The following RUVBL1 variants were observed in gnomAD, a reference collection of about 807,000 sequenced individuals.
RUVBL1 encodes RuvB like AAA ATPase 1.
A neutral mutation model predicts 52.4 loss-of-function variants in RUVBL1; 4 were observed. The observed-to-expected ratio is 0.08, with a 90% CI of 0.04 to 0.17. The LOEUF (loss-of-function observed/expected upper bound fraction) is 0.17. Among genes scored for constraint, RUVBL1 ranks in the 10% least tolerant of loss-of-function variants. RUVBL1 has a pLI of 1.00. For synonymous variants in RUVBL1, 217 were observed against 214.4 expected, an observed-to-expected ratio of 1.01 and a Z score of -0.10; for missense variants, 298 against 572.8, an observed-to-expected ratio of 0.52 and a Z score of 4.90.
At chr3:128,148,214 C>A (rs1054396686) in intron 1 of RUVBL1, among the ~76,000 whole-genome samples, 1 of 151,974 alleles carries the variant, frequency 6.6e-6, no homozygotes, top group African/African-American at 2.4e-5. Context: ...TAGAGCCGTA[C>A]ACCAACAAGG....
chr3:128,078,346 G>A (rs1376190497), downstream of RUVBL1, among the ~76,000 whole-genome samples: 1 of 152,244 alleles, frequency 6.6e-6, no homozygotes, highest in African/African-American at 2.4e-5. Context: ...ACATGTGGCA[G>A]TAAGAAGGTA....
rs1238469597 is a variant in RUVBL1 at position 128,150,757 on chromosome 3, ATATATTCTATATAT to A, written c.-40+2432_-40+2445del. ...ATATATTCTATATTATATATTCTCT[ATATATTCTATATAT>A]TATATATTCTATATATATTCTATAT... On this transcript the variant is annotated intron_variant, in intron 1 of 9. Coordinates refer to the RUVBL1 transcript ENST00000464873. Among the ~76,000 whole-genome samples the A allele has an allele frequency of 2.5e-4, 28 of 110,736 alleles. 1 individual carries two copies. Among genetic ancestry groups the A allele is most frequent in the Non-Finnish European group, 3.7e-4 (22 of 60,256 alleles). 72.6% of individuals were successfully genotyped at this position (110,736 alleles called of 152,430 possible). A position where few individuals can be genotyped will look rare whatever the true frequency, so the allele number is the denominator to read the frequency against.
At chr3:128,102,493 T>C (rs549489345) in intron 4 of RUVBL1, among the ~76,000 whole-genome samples, 1 of 152,372 alleles carries the variant, frequency 6.6e-6, no homozygotes, top group Non-Finnish European at 1.5e-5. Flanking sequence ...TGGAGATCTA[T>C]GTTATACAAT....
chr3:128,111,751 G>A (rs905124047), intron 3 of RUVBL1, among the ~76,000 whole-genome samples: 2 of 152,088 alleles, frequency 1.3e-5, no homozygotes, highest in Non-Finnish European at 2.9e-5. Flanking sequence ...ATCTTACTCC[G>A]AAACTGAACT....
At position 128,109,642 on chromosome 3, in the gene RUVBL1, C is replaced by T. The variant is rs565908268; in HGVS notation, c.361+3246G>A. 4.0e-5 allele frequency among the ~76,000 whole-genome samples: 6 copies of T among 151,894 alleles called. No individual in the cohort carries two copies. The East Asian group carries it at 9.7e-4, about 25-fold the overall frequency. The stretch of plus-strand genomic sequence containing the variant: ...CCGAGTAGCTGGGACTACAGGCACA[C>T]GTCACCACACCCAGCTAATTTTTGT... On this transcript the variant is annotated intron_variant, in intron 3 of 10. Transcript: ENST00000322623.
intron 3 of RUVBL1, among the ~76,000 whole-genome samples, chr3:128,108,129 A>AGG (rs558982098): frequency 3.1e-3 from 471 of 152,370 alleles, no homozygotes; most frequent in Non-Finnish European, 4.8e-3. Flanking sequence ...TATCCCTGAC[A>AGG]GGGACCTTCA....
At chr3:128,150,865 T>A (rs1484374088) in intron 1 of RUVBL1, among the ~76,000 whole-genome samples, 1 of 55,480 alleles carries the variant, frequency 1.8e-5, no homozygotes, top group African/African-American at 8.1e-5. Context: ...TATTATATAT[T>A]ATATATATAT....
intron 4 of RUVBL1, 101 bp downstream of exon 4, chr3:128,104,672 C>T (rs1467323101): frequency 3.0e-6 from 3 of 1,009,494 alleles, no homozygotes; most frequent in Non-Finnish European, 4.3e-6. Context: ...ACCTGCAGTG[C>T]ACAGGTCAGG....
At chr3:128,114,820 G>GT (rs2096286047) in intron 2 of RUVBL1, among the ~76,000 whole-genome samples, 1 of 148,034 alleles carries the variant, frequency 6.8e-6, no homozygotes, top group South Asian at 2.2e-4. Flanking sequence ...GGGGCCACAG[G>GT]CTGGACAGGA....
At chr3:128,120,084 G>A (rs1377453388) in intron 1 of RUVBL1, among the ~76,000 whole-genome samples, 1 of 152,200 alleles carries the variant, frequency 6.6e-6, no homozygotes, top group African/African-American at 2.4e-5. Context: ...GAGTACAAGT[G>A]GGAACACTGA....
chr3:128,082,172 A>T lies in RUVBL1; in HGVS notation c.1211+311T>A, dbSNP rs1942494318. ...CCAGGGCCCTGGCTAATGAGCTACC[A>T]CATGGTCCCTGCTCTCTAGTTCTGT... On this transcript the variant is annotated intron_variant, in intron 10 of 10. Transcript: ENST00000322623. The surrounding 1 kb of genome is among the most constrained non-coding windows in gnomAD (Gnocchi z 4.7). The T allele has an allele frequency of 3.8e-6, 1 of 263,100 alleles. No individual in the cohort carries two copies. The highest frequency in any genetic ancestry group is 7.3e-6 in the Non-Finnish European group (1 of 137,160). The allele number at this position is 263,100 out of a possible 1,614,324, so 16.3% of individuals were successfully genotyped here. A position where few individuals can be genotyped will look rare whatever the true frequency, so the allele number is the denominator to read the frequency against.
intron 1 of RUVBL1, among the ~76,000 whole-genome samples, chr3:128,149,601 T>A (rs1944155555): frequency 6.6e-6 from 1 of 152,244 alleles, no homozygotes; most frequent in African/African-American, 2.4e-5. Flanking sequence ...TACTAGAACA[T>A]GCCTTTTCAT....
Position 128,123,734 on chromosome 3 carries a change from G to A in RUVBL1, c.-10C>T, listed in dbSNP as rs769331108. On this transcript the variant is annotated 5_prime_UTR_variant, in exon 1 of 11. Coordinates refer to ENST00000322623, the MANE Select transcript of RUVBL1 (RefSeq NM_003707.3). The stretch of plus-strand genomic sequence containing the variant: ...CCTCCTCAATCTTCATTTTGCAGAC[G>A]CCGGGAGCTAAAACCAGCGTGGAAA... 7.8e-5 allele frequency: 125 copies of A among 1,593,292 alleles called. No individual in the cohort carries two copies. Among genetic ancestry groups the A allele is most frequent in the Admixed American group, 3.9e-4 (23 of 59,480 alleles).
intron 3 of RUVBL1, among the ~76,000 whole-genome samples, chr3:128,110,877 CAT>C (rs1191056826): frequency 1.3e-5 from 2 of 152,050 alleles, no homozygotes; most frequent in African/African-American, 4.8e-5. Context: ...ATAGCCCAGA[CAT>C]ATTTTTTAGC....
exon 1 of RUVBL1, chr3:128,153,612 C>T (rs1339621649): frequency 6.3e-7 from 1 of 1,596,336 alleles, no homozygotes; most frequent in East Asian, 2.3e-5. Context: ...CCACCGCCGC[C>T]TTTGACAAGC....
chr3:128,150,065 T>G (rs994751777), intron 1 of RUVBL1, among the ~76,000 whole-genome samples: 1 of 152,174 alleles, frequency 6.6e-6, no homozygotes, highest in African/African-American at 2.4e-5. Context: ...TTCCCTCGGT[T>G]CTGTGCAGCC....
chr3:128,104,501 A>G (rs1943178128), intron 4 of RUVBL1, among the ~76,000 whole-genome samples: 1 of 152,240 alleles, frequency 6.6e-6, no homozygotes, highest in Non-Finnish European at 1.5e-5. Context: ...TGGCAGAGGC[A>G]GTTTCTTGAC....
chr3:128,145,524 A>C (rs1944090876), intron 1 of RUVBL1, among the ~76,000 whole-genome samples: 1 of 152,238 alleles, frequency 6.6e-6, no homozygotes, highest in African/African-American at 2.4e-5. Flanking sequence ...AGGGCGTGCC[A>C]GCCCAAGGAA....
At position 128,065,055 on chromosome 3, in the gene RUVBL1, C is replaced by G. The variant is rs376489671; in HGVS notation, c.*157G>C. The G allele has an allele frequency of 3.7e-6, 6 of 1,613,482 alleles. No homozygotes were observed. The African/African-American group carries it at 8.0e-5, about 22-fold the overall frequency. ...ATTTCCAGGTGTGTCCAGATCCAACCCCAGGGAGTTTCCATGGTCTGGATT... is the reference window on the plus strand; with the variant it reads ...ATTTCCAGGTGTGTCCAGATCCAACGCCAGGGAGTTTCCATGGTCTGGATT... On this transcript the variant is annotated 3_prime_UTR_variant, in exon 10 of 10. Coordinates refer to the RUVBL1 transcript ENST00000464873.
Sources: allele counts gnomAD v4.1 joint callset (sites outside exome capture counted in the v4.1 genomes callset), GRCh38; gene constraint gnomAD v4.1.1; non-coding constraint Gnocchi (gnomAD v3.1); transcripts MANE v1.5; gene names NCBI Gene and HGNC (gene_info 2026-07-23, HGNC 2026-07-21).